The following L2HGDH variants were observed in gnomAD, a reference collection of about 807,000 sequenced individuals.
L2HGDH encodes L-2-hydroxyglutarate dehydrogenase.
In L2HGDH, 34 loss-of-function variants were observed where a neutral mutation model predicts 51.5. The observed-to-expected ratio is 0.66, with a 90% CI of 0.50 to 0.88. L2HGDH has a LOEUF of 0.88. Ranked by LOEUF, L2HGDH falls within the 40% of genes least tolerant of loss-of-function variation. The pLI is 0.00. For synonymous variants in L2HGDH, 198 were observed against 197.9 expected (o/e 1.00, Z -0.01); for missense variants, 558 against 571.9 (o/e 0.98, Z 0.25).
At chr14:50,276,556 G>C (rs1307074071) in intron 6 of L2HGDH, among the ~76,000 whole-genome samples, 1 of 151,644 alleles carries the variant, frequency 6.6e-6, no homozygotes, top group Non-Finnish European at 1.5e-5. Context: ...AAGGTTAAAT[G>C]AGGTCATAAG....
intron 3 of L2HGDH, among the ~76,000 whole-genome samples, chr14:50,300,636 T>C (rs2030356413): frequency 6.6e-6 from 1 of 151,990 alleles, no homozygotes; most frequent in Non-Finnish European, 1.5e-5. Context: ...ATGTTGTACA[T>C]GATAAATATT....
chr14:50,311,381 C>A (rs778065466), intron 1 of L2HGDH: 1 of 456,060 alleles, frequency 2.2e-6, no homozygotes, highest in East Asian at 6.9e-5. Context: ...TTCTAGTCGT[C>A]AAAATAGCCA....
At chr14:50,306,049 C>CTT (rs34244656) in intron 1 of L2HGDH, among the ~76,000 whole-genome samples, 1 of 141,316 alleles carries the variant, frequency 7.1e-6, no homozygotes, top group Non-Finnish European at 1.5e-5. Context: ...TTTTGACTGA[C>CTT]TTTTTTTTTT....
At chr14:50,280,845 C>T (rs1003108122) in intron 5 of L2HGDH, among the ~76,000 whole-genome samples, 1 of 151,944 alleles carries the variant, frequency 6.6e-6, no homozygotes, top group Non-Finnish European at 1.5e-5. Context: ...GACAAGGTCT[C>T]ACTGTGTCGG....
rs1443773070 is a variant in L2HGDH at position 50,246,400 on chromosome 14, T to C, written c.*658A>G. The C allele has an allele frequency of 1.3e-5, 2 of 151,186 alleles. No homozygotes were observed. 9.4% of individuals were successfully genotyped at this position (151,186 alleles called of 1,614,324 possible). A position where few individuals can be genotyped will look rare whatever the true frequency, so the allele number is the denominator to read the frequency against. On this transcript the variant is annotated 3_prime_UTR_variant, in exon 10 of 10. Coordinates refer to ENST00000267436, the MANE Select transcript of L2HGDH (RefSeq NM_024884.3). ...GCCCAGCTAATTTTTGTATTTTTTG[T>C]AGAGATGGGGTTTCATTCACTATGT...
Position 50,258,921 on chromosome 14 carries a change from T to C in L2HGDH, c.1196+6437A>G, listed in dbSNP as rs182394121. The stretch of plus-strand genomic sequence containing the variant: ...CAGTGGTGTTATCATGGCTCACTGC[T>C]GCCTCGACCACTAGGCTCAAGCAAT... On this transcript the variant is annotated intron_variant, in intron 9 of 9. Coordinates refer to ENST00000267436, the MANE Select transcript of L2HGDH (RefSeq NM_024884.3). Among the ~76,000 whole-genome samples, 878 of 151,776 alleles carry C rather than the reference T, an allele frequency of 5.8e-3. 12 individuals carry two copies. The highest frequency in any genetic ancestry group is 0.019 in the African/African-American group (789 of 41,432).
At position 50,242,902 on chromosome 14, in the gene L2HGDH, A is replaced by C; in HGVS notation, c.*4156T>G. 1 of 985,434 alleles carries C rather than the reference A, an allele frequency of 1.0e-6. No homozygotes were observed. The highest frequency in any genetic ancestry group is 4.7e-5 in the South Asian group (1 of 21,288). 61.0% of individuals were successfully genotyped at this position (985,434 alleles called of 1,614,324 possible). A position where few individuals can be genotyped will look rare whatever the true frequency, so the allele number is the denominator to read the frequency against. ...GAGCCAGTCCTTAAACAATATAGAC[A>C]CCATGTCTCCTGTGTTTACAGGGAT... On this transcript the variant is annotated 3_prime_UTR_variant, in exon 10 of 10. Coordinates refer to ENST00000267436, the MANE Select transcript of L2HGDH (RefSeq NM_024884.3).
At chr14:50,279,826 C>T (rs929971960) in intron 5 of L2HGDH, among the ~76,000 whole-genome samples, 1 of 152,034 alleles carries the variant, frequency 6.6e-6, no homozygotes, top group Non-Finnish European at 1.5e-5. Context: ...TTTGGGAGGC[C>T]GAAGTGGGTG....
chr14:50,265,351 TCCTTA>T lies in L2HGDH; in HGVS notation c.1196+2_1196+6del. On this transcript the variant is annotated splice_donor_variant and splice_donor_5th_base_variant and intron_variant, in intron 9 of 9. Coordinates refer to ENST00000267436, the MANE Select transcript of L2HGDH (RefSeq NM_024884.3). LOFTEE classifies it high-confidence loss of function. ...CTGTATTTACACTCCTTATCCCTTT[TCCTTA>T]CCTAAGTATATCACTGATAGTAATT... is the stretch of plus-strand genomic sequence containing the variant. The T allele has an allele frequency of 6.2e-7, 1 of 1,609,676 alleles. No homozygotes were observed. Among genetic ancestry groups the T allele is most frequent in the Non-Finnish European group, 8.5e-7 (1 of 1,176,152 alleles).
rs1887856298 is a variant in L2HGDH at position 50,242,877 on chromosome 14, G to A, written c.*4181C>T. 3.1e-5 allele frequency: 31 copies of A among 985,334 alleles called. No homozygotes were observed. The highest frequency in any genetic ancestry group is 3.6e-5 in the Non-Finnish European group (30 of 829,942). The allele number at this position is 985,334 out of a possible 1,614,324, so 61.0% of individuals were successfully genotyped here. ...CACAGATTAAGGGCCCAGGAGGGCA[G>A]AGCCAGTCCTTAAACAATATAGACA... On this transcript the variant is annotated 3_prime_UTR_variant, in exon 10 of 10. Coordinates refer to ENST00000267436, the MANE Select transcript of L2HGDH (RefSeq NM_024884.3).
intron 4 of L2HGDH, among the ~76,000 whole-genome samples, chr14:50,286,989 T>C (rs116475753): frequency 0.01 from 1,541 of 152,270 alleles, 22 homozygotes; most frequent in African/African-American, 0.035. Flanking sequence ...TGGCACATAG[T>C]AATCAAAAAA....
At chr14:50,247,823 C>T (rs1888095782) in intron 9 of L2HGDH, among the ~76,000 whole-genome samples, 1 of 151,912 alleles carries the variant, frequency 6.6e-6, no homozygotes, top group South Asian at 2.1e-4. Context: ...ATATCAGGAT[C>T]ATCTTCAATT....
At chr14:50,281,749 T>C (rs1890285262) in intron 5 of L2HGDH, among the ~76,000 whole-genome samples, 1 of 152,242 alleles carries the variant, frequency 6.6e-6, no homozygotes, top group Non-Finnish European at 1.5e-5. Flanking sequence ...ACTAGTCTAA[T>C]TGTAAGTCTG....
chr14:50,299,010 CAAAG>C (rs2030249011), intron 3 of L2HGDH, among the ~76,000 whole-genome samples: 1 of 151,660 alleles, frequency 6.6e-6, no homozygotes, highest in Admixed American at 6.6e-5. Flanking sequence ...GAAATTGAAA[CAAAG>C]AAAACAATAC....
intron 1 of L2HGDH, among the ~76,000 whole-genome samples, chr14:50,304,900 A>G (rs1056702094): frequency 2.6e-5 from 4 of 152,214 alleles, no homozygotes; most frequent in African/African-American, 9.6e-5. Context: ...TTAAAAGATT[A>G]CCTTTAACAC....
intron 1 of L2HGDH, 26 bp downstream of exon 1, chr14:50,311,985 G>A: frequency 1.3e-6 from 2 of 1,548,994 alleles, no homozygotes. Context: ...CAGCGCAGGC[G>A]GCGGGGAGGA....
chr14:50,243,262 C>T lies in L2HGDH; in HGVS notation c.*3796G>A. The T allele has an allele frequency of 1.0e-6, 1 of 985,372 alleles. No homozygotes were observed. The allele number at this position is 985,372 out of a possible 1,614,324, so 61.0% of individuals were successfully genotyped here. A position where few individuals can be genotyped will look rare whatever the true frequency, so the allele number is the denominator to read the frequency against. On this transcript the variant is annotated 3_prime_UTR_variant, in exon 10 of 10. Transcript: ENST00000267436. ...ACTTGCTGGTACATCAAGAGTTCCT[C>T]ACAAACACTCTGAAGTTAAAATCTA...
chr14:50,281,493 G>A (rs1890268590), intron 5 of L2HGDH, among the ~76,000 whole-genome samples: 1 of 152,170 alleles, frequency 6.6e-6, no homozygotes, highest in Non-Finnish European at 1.5e-5. Flanking sequence ...TTGGGAGGCT[G>A]AGGCAGGAGA....
chr14:50,270,330 C>T (rs1240051382), intron 6 of L2HGDH, among the ~76,000 whole-genome samples: 2 of 152,132 alleles, frequency 1.3e-5, no homozygotes, highest in African/African-American at 2.4e-5. Flanking sequence ...TCATTTATCC[C>T]GCATTCACCA....
Sources: allele counts gnomAD v4.1 joint callset (sites outside exome capture counted in the v4.1 genomes callset), GRCh38; gene constraint gnomAD v4.1.1; transcripts MANE v1.5; gene names NCBI Gene and HGNC (gene_info 2026-07-23, HGNC 2026-07-21).